The following GALNT13 variants were observed in gnomAD, a reference collection of about 807,000 sequenced individuals.
GALNT13 encodes polypeptide N-acetylgalactosaminyltransferase 13.
Under a neutral mutation model 64.2 loss-of-function variants are expected in GALNT13, and 28 were observed. The observed-to-expected ratio is 0.44, with a 90% CI of 0.32 to 0.60. GALNT13 has a LOEUF of 0.60. Among genes scored for constraint, GALNT13 ranks in the 20% least tolerant of loss-of-function variants. The pLI is 0.05. For missense variants in GALNT13, 577 were observed against 669.8 expected (o/e 0.86, Z 1.53); for synonymous variants, 214 against 224.6 (o/e 0.95, Z 0.42).
chr2:154,391,634 C>T (rs1698797237), intron 9 of GALNT13, among the ~76,000 whole-genome samples: 1 of 152,168 alleles, frequency 6.6e-6, no homozygotes, highest in Non-Finnish European at 1.5e-5. Context: ...AAAACAACAG[C>T]TATCCAATGC....
the GALNT13 span, among the ~76,000 whole-genome samples, chr2:153,587,192 C>A: frequency 6.9e-6 from 1 of 144,200 alleles, no homozygotes; most frequent in African/African-American, 2.6e-5. Flanking sequence ...CAGATTGCAC[C>A]ACAGCACTCC....
the GALNT13 span, among the ~76,000 whole-genome samples, chr2:153,665,103 C>G: frequency 6.6e-6 from 1 of 152,174 alleles, no homozygotes; most frequent in African/African-American, 2.4e-5. Flanking sequence ...AAGTTTTACT[C>G]TACTAGCTGT....
At chr2:153,391,685 A>G in the GALNT13 span, among the ~76,000 whole-genome samples, 1 of 152,040 alleles carries the variant, frequency 6.6e-6, no homozygotes, top group Admixed American at 6.6e-5. Context: ...ATGATAGAGT[A>G]TGAACTTGAT....
intron 3 of GALNT13, among the ~76,000 whole-genome samples, chr2:154,034,094 T>C (rs1425994690): frequency 3.3e-5 from 5 of 152,172 alleles, no homozygotes; most frequent in African/African-American, 1.2e-4. Context: ...AAACTTACTT[T>C]ATGACTCAGC....
the GALNT13 span, among the ~76,000 whole-genome samples, chr2:153,141,299 G>T: frequency 6.6e-6 from 1 of 151,960 alleles, no homozygotes; most frequent in Non-Finnish European, 1.5e-5. Flanking sequence ...AGGATGCTGG[G>T]CTGGGGCAGC....
chr2:153,285,245 T>C, the GALNT13 span, among the ~76,000 whole-genome samples: 1 of 152,136 alleles, frequency 6.6e-6, no homozygotes, highest in Non-Finnish European at 1.5e-5. Flanking sequence ...ACTGCCCCCA[T>C]GGTCCAATTA....
At chr2:154,180,760 T>A (rs949321142) in intron 4 of GALNT13, among the ~76,000 whole-genome samples, 1 of 152,184 alleles carries the variant, frequency 6.6e-6, no homozygotes. Flanking sequence ...TTTATTTTTA[T>A]TTTTTCCTAA....
At chr2:154,088,500 G>A (rs754051564) in intron 3 of GALNT13, among the ~76,000 whole-genome samples, 2 of 152,126 alleles carry the variant, frequency 1.3e-5, no homozygotes, top group African/African-American at 2.4e-5. Flanking sequence ...TGCCTAGGCT[G>A]GAGTGCAATG....
chr2:153,137,848 T>G, the GALNT13 span, among the ~76,000 whole-genome samples: 1 of 152,056 alleles, frequency 6.6e-6, no homozygotes, highest in African/African-American at 2.4e-5. Flanking sequence ...TCCCATGTCC[T>G]GGGAACCTCT....
At chr2:153,771,221 C>A in the GALNT13 span, among the ~76,000 whole-genome samples, 1 of 152,220 alleles carries the variant, frequency 6.6e-6, no homozygotes, top group Middle Eastern at 3.4e-3. Context: ...GGTTGGGGGG[C>A]AGATGTGTCT....
intron 11 of GALNT13, among the ~76,000 whole-genome samples, chr2:154,432,397 A>G (rs995203445): frequency 1.3e-5 from 2 of 152,038 alleles, no homozygotes; most frequent in African/African-American, 4.8e-5. Flanking sequence ...CACTTTGGAA[A>G]TCTGATTTCG....
At chr2:153,552,456 A>G in the GALNT13 span, among the ~76,000 whole-genome samples, 21 of 152,216 alleles carry the variant, frequency 1.4e-4, no homozygotes, top group East Asian at 3.9e-3. Context: ...CATAGAGAGT[A>G]GCCCTGCTAA....
chr2:153,398,943 C>A, the GALNT13 span, among the ~76,000 whole-genome samples: 1 of 114,020 alleles, frequency 8.8e-6, no homozygotes, highest in Non-Finnish European at 1.8e-5. Flanking sequence ...TCCCATTTGT[C>A]AATTTTGGCT....
chr2:153,960,468 C>T (rs1692868401), intron 3 of GALNT13, among the ~76,000 whole-genome samples: 1 of 152,178 alleles, frequency 6.6e-6, no homozygotes, highest in Admixed American at 6.5e-5. Context: ...TGTGACTGCT[C>T]CTGCAGAGCA....
upstream of GALNT13, among the ~76,000 whole-genome samples, chr2:153,871,481 G>A (rs1373910890): frequency 6.6e-6 from 1 of 152,220 alleles, no homozygotes; most frequent in Non-Finnish European, 1.5e-5. Flanking sequence ...GGTTGCCGGC[G>A]CTTTCCCCGA....
At chr2:153,415,967 G>C in the GALNT13 span, among the ~76,000 whole-genome samples, 17 of 152,190 alleles carry the variant, frequency 1.1e-4, no homozygotes, top group Non-Finnish European at 2.5e-4. Flanking sequence ...ATTTAAAAGT[G>C]TTTAATCATT....
At chr2:153,225,297 T>G in the GALNT13 span, among the ~76,000 whole-genome samples, 1 of 152,244 alleles carries the variant, frequency 6.6e-6, no homozygotes, top group Admixed American at 6.5e-5. Context: ...ATTTAAAATT[T>G]TTTTAAAAGC....
chr2:153,260,966 G>A, the GALNT13 span, among the ~76,000 whole-genome samples: 1 of 151,850 alleles, frequency 6.6e-6, no homozygotes, highest in Non-Finnish European at 1.5e-5. Flanking sequence ...TTTTCTGCTT[G>A]ATTAGTTCTG....
the GALNT13 span, among the ~76,000 whole-genome samples, chr2:153,487,599 T>C: frequency 6.6e-6 from 1 of 152,204 alleles, no homozygotes; most frequent in African/African-American, 2.4e-5. Flanking sequence ...TGATAAATTC[T>C]GTGGGAAATG....
Sources: allele counts gnomAD v4.1 joint callset (sites outside exome capture counted in the v4.1 genomes callset), GRCh38; gene constraint gnomAD v4.1.1; transcripts MANE v1.5; gene names NCBI Gene and HGNC (gene_info 2026-07-23, HGNC 2026-07-21).